The following APBA1 variants were observed in gnomAD, a reference collection of about 807,000 sequenced individuals.
APBA1 encodes amyloid-beta A4 precursor protein-binding family A member 1.
Under a neutral mutation model 86.6 loss-of-function variants are expected in APBA1, and 55 were observed. That is an observed-to-expected ratio of 0.64 (90% confidence interval 0.51 to 0.80). The LOEUF (loss-of-function observed/expected upper bound fraction) is 0.80. Among genes scored for constraint, APBA1 ranks in the 30% least tolerant of loss-of-function variants. APBA1 has a pLI of 0.00. For missense variants in APBA1, 1,090 were observed against 1,183.0 expected, an observed-to-expected ratio of 0.92 and a Z score of 1.15; for synonymous variants, 511 against 493.9, an observed-to-expected ratio of 1.03 and a Z score of -0.46.
intron 1 of APBA1, among the ~76,000 whole-genome samples, chr9:69,649,570 T>C (rs1823457354): frequency 6.6e-6 from 1 of 152,124 alleles, no homozygotes; most frequent in Non-Finnish European, 1.5e-5. Context: ...CAAGTGCCTG[T>C]CTCCTGTGCT....
intron 11 of APBA1, among the ~76,000 whole-genome samples, chr9:69,436,379 A>G (rs1834720205): frequency 6.6e-6 from 1 of 150,908 alleles, no homozygotes; most frequent in Non-Finnish European, 1.5e-5. Context: ...CAGTATGGCC[A>G]TTTTCATGAT....
At chr9:69,639,668 G>A (rs1823247741) in intron 1 of APBA1, among the ~76,000 whole-genome samples, 1 of 152,186 alleles carries the variant, frequency 6.6e-6, no homozygotes, top group South Asian at 2.1e-4. Flanking sequence ...CCTGGAGGGT[G>A]TGAGCAAACC....
At chr9:69,471,816 A>C in intron 3 of APBA1, 121 bp from the exon 4 acceptor site, 1 of 781,724 alleles carries the variant, frequency 1.3e-6, no homozygotes, top group Non-Finnish European at 2.1e-6. Flanking sequence ...ATTATTGATC[A>C]TTTTTAGTTA....
chr9:69,467,999 C>T (rs1011090536), intron 4 of APBA1, 31 bp from the exon 5 acceptor site: 3 of 1,606,184 alleles, frequency 1.9e-6, no homozygotes, highest in Non-Finnish European at 2.6e-6. Flanking sequence ...GTGAGGAAGC[C>T]ATCCTGGGGT....
rs1837081830 is a variant in APBA1, at chr9:69,569,470, T to C, written c.-69-52191A>G. On this transcript the variant is annotated intron_variant, in intron 1 of 12. Transcript: ENST00000265381. The stretch of plus-strand genomic sequence containing the variant: ...GTGAGTGTGTGTGTGTGTGTGTGTG[T>C]GTGTGTGTGTGTGTGTGTGTTACTG... Among the ~76,000 whole-genome samples the C allele has an allele frequency of 1.1e-4, 17 of 151,906 alleles. No individual in the cohort carries two copies. The South Asian group carries it at 3.5e-3, about 32-fold the overall frequency.
intron 2 of APBA1, among the ~76,000 whole-genome samples, chr9:69,483,342 C>T (rs1048645725): frequency 6.6e-6 from 1 of 151,948 alleles, no homozygotes; most frequent in Non-Finnish European, 1.5e-5. Context: ...AGCAAAATAA[C>T]CCTATTGCTT....
chr9:69,511,286 A>T (rs1228556097), intron 2 of APBA1, among the ~76,000 whole-genome samples: 2 of 152,234 alleles, frequency 1.3e-5, no homozygotes, highest in Non-Finnish European at 2.9e-5. Context: ...ACTTCTCAAA[A>T]GAAGACATTT....
chr9:69,572,264 CCA>C (rs1293989553), intron 1 of APBA1, among the ~76,000 whole-genome samples: 2 of 152,102 alleles, frequency 1.3e-5, no homozygotes, highest in Non-Finnish European at 2.9e-5. Context: ...CTGACAGGCC[CCA>C]GTGTGTGTTT....
intron 1 of APBA1, among the ~76,000 whole-genome samples, chr9:69,578,912 G>C (rs1165838331): frequency 6.6e-6 from 1 of 152,184 alleles, no homozygotes; most frequent in Non-Finnish European, 1.5e-5. Flanking sequence ...ATTAGGCACT[G>C]AACTGTTGTT....
intron 2 of APBA1, among the ~76,000 whole-genome samples, chr9:69,489,770 A>G (rs1389409780): frequency 6.6e-6 from 1 of 152,088 alleles, no homozygotes; most frequent in East Asian, 1.9e-4. Context: ...CAAAACCACA[A>G]TGAGATACCA....
chr9:69,458,296 C>T (rs535091404), intron 5 of APBA1, 108 bp from the exon 6 acceptor site: 13 of 961,484 alleles, frequency 1.4e-5, no homozygotes, highest in East Asian at 2.7e-5. Flanking sequence ...TGGCATAAAG[C>T]GTTTCTGTGG....
In APBA1 at chr9:69,516,866, C is replaced by G. The variant is rs753456595; in HGVS notation, c.345G>C (p.Glu115Asp). The G allele has an allele frequency of 2.5e-6, 4 of 1,597,532 alleles. No homozygotes were observed. The highest frequency in any genetic ancestry group is 3.4e-5 in the Admixed American group (2 of 59,482). The part of the protein sequence containing the change: ...DAERAQDPED[E>D]SAYAVQYRPE... Reference sequence around the variant, plus strand: ...GCCGGTACTGCACAGCATAGGCGCTCTCGTCCTCGGGGTCCTGCGCGCGCT... The same window carrying G: ...GCCGGTACTGCACAGCATAGGCGCTGTCGTCCTCGGGGTCCTGCGCGCGCT... Residue 115 changes from glutamate (E) to aspartate (D), a missense_variant, in exon 2 of 13, where the codon GAG (glutamate) becomes GAC (aspartate). By Grantham distance (45) the Glu-to-Asp change is conservative. Transcript: ENST00000265381. This position sits in a 1 kb window ranked among gnomAD's most constrained non-coding sequence, Gnocchi z 7.3.
At chr9:69,622,306 G>A (rs573932878) in intron 1 of APBA1, among the ~76,000 whole-genome samples, 36 of 152,326 alleles carry the variant, frequency 2.4e-4, no homozygotes, top group African/African-American at 8.2e-4. Flanking sequence ...ATCATCTCTA[G>A]AAAGTGAAAC....
In APBA1 at chr9:69,449,573, T is replaced by C; in HGVS notation, c.2181+11A>G. On this transcript the variant is annotated intron_variant, in intron 10 of 12. Transcript: ENST00000265381. ...TTACCACATCAACTGATTTTTCCCA[T>C]ATTCAGGTACCTTAATAATGCTCTG... is the stretch of plus-strand genomic sequence containing the variant. 6.2e-7 allele frequency: 1 copy of C among 1,611,642 alleles called. No homozygotes were observed. Among genetic ancestry groups the C allele is most frequent in the Non-Finnish European group, 8.5e-7 (1 of 1,178,418 alleles).
rs765408564 is a variant in APBA1, at chr9:69,440,933, C to G, written c.2301+63G>C. ...TTTAGCCATCTTGGCTCCACCCCCCCAGCCATGCTACATTTTTATTTGTCA... is the reference window on the plus strand; with the variant it reads ...TTTAGCCATCTTGGCTCCACCCCCCGAGCCATGCTACATTTTTATTTGTCA... On this transcript the variant is annotated intron_variant, in intron 11 of 12. Transcript: ENST00000265381. 80 of 1,577,216 alleles carry G rather than the reference C, an allele frequency of 5.1e-5. No individual in the cohort carries two copies. In the Middle Eastern group the frequency reaches 8.4e-4, roughly 17 times the overall value.
rs758393485 is a variant in APBA1 at position 69,431,284 on chromosome 9, G to A, written c.*43C>T. 2.7e-6 allele frequency: 4 copies of A among 1,497,270 alleles called. No individual in the cohort carries two copies. The highest frequency in any genetic ancestry group is 3.6e-6 in the Non-Finnish European group (4 of 1,107,684). 92.7% of individuals were successfully genotyped at this position (1,497,270 alleles called of 1,614,324 possible). The stretch of plus-strand genomic sequence containing the variant: ...GATGCAGCACGAGAAACACAACCAC[G>A]AAGAGGAGAGTCCTCCATGCATGCC... On this transcript the variant is annotated 3_prime_UTR_variant, in exon 13 of 13. Transcript: ENST00000265381.
intron 1 of APBA1, among the ~76,000 whole-genome samples, chr9:69,584,260 TC>T (rs1821974802): frequency 6.6e-6 from 1 of 152,218 alleles, no homozygotes; most frequent in Admixed American, 6.5e-5. Flanking sequence ...TCATACTGTC[TC>T]CTCTATAAGA....
At chr9:69,636,987 A>G (rs2193871) in intron 1 of APBA1, among the ~76,000 whole-genome samples, 34,990 of 82,708 alleles carry the variant, frequency 0.42, 9,184 homozygotes, top group East Asian at 0.64. Context: ...AAGAAAGAAA[A>G]ATGTGATACA....
intron 1 of APBA1, among the ~76,000 whole-genome samples, chr9:69,595,059 A>C (rs951621298): frequency 6.6e-6 from 1 of 152,204 alleles, no homozygotes; most frequent in Non-Finnish European, 1.5e-5. Context: ...AATATTATTA[A>C]AAACAAAATA....
Sources: gnomAD v4.1 joint callset for allele counts (sites outside exome capture counted in the v4.1 genomes callset) on GRCh38, gnomAD v4.1.1 for gene constraint, Gnocchi (gnomAD v3.1) non-coding constraint, MANE v1.5 for transcripts, NCBI Gene and HGNC (gene_info 2026-07-23, HGNC 2026-07-21) for gene names.